Variants in EPS15 observed in about 807,000 individuals in gnomAD.
EPS15 encodes the protein epidermal growth factor receptor substrate 15.
In EPS15, 72 loss-of-function variants were observed where a neutral mutation model predicts 113.8. The observed-to-expected ratio is 0.63, with a 90% CI of 0.52 to 0.77. EPS15 has a LOEUF of 0.77. Among genes scored for constraint, EPS15 ranks in the 30% least tolerant of loss-of-function variants. The pLI, the probability that EPS15 is intolerant of heterozygous loss-of-function variation, is 0.00. For synonymous variants in EPS15, 344 were observed against 363.4 expected, an observed-to-expected ratio of 0.95 and a Z score of 0.61; for missense variants, 1,048 against 1,045.8, an observed-to-expected ratio of 1.00 and a Z score of -0.03.
In EPS15 at chr1:51,415,796, CAAAAAAAAAAAAAAAAAAAAAA is replaced by C. The variant is rs55806131; in HGVS notation, c.1113+5968_1113+5989del. On this transcript the variant is annotated intron_variant, in intron 13 of 24. Transcript: ENST00000371733. The stretch of plus-strand genomic sequence containing the variant: ...GGGCAACAAGAGCAAAACTCCGTCT[CAAAAAAAAAAAAAAAAAAAAAA>C]AAAAAAAAAAAAATTCCAACACTAA... Among the ~76,000 whole-genome samples, 52 of 21,988 alleles carry C rather than the reference CAAAAAAAAAAAAAAAAAAAAAA, an allele frequency of 2.4e-3. 1 individual carries two copies. Among genetic ancestry groups the C allele is most frequent in the African/African-American group, 6.6e-3 (39 of 5,912 alleles). 14.4% of individuals were successfully genotyped at this position (21,988 alleles called of 152,430 possible). A position where few individuals can be genotyped will look rare whatever the true frequency, so the allele number is the denominator to read the frequency against.
intron 8 of EPS15, among the ~76,000 whole-genome samples, chr1:51,449,587 A>T (rs1050687770): frequency 2.0e-5 from 3 of 151,908 alleles, no homozygotes; most frequent in Non-Finnish European, 4.4e-5. Context: ...AGTTAAAAAA[A>T]TTCATTGTTC....
chr1:51,500,261 A>G (rs574345011), intron 1 of EPS15, among the ~76,000 whole-genome samples: 22 of 152,336 alleles, frequency 1.4e-4, no homozygotes, highest in Non-Finnish European at 2.6e-4. Context: ...ACACTGGTAT[A>G]CAAATGTGTT....
intron 1 of EPS15, among the ~76,000 whole-genome samples, chr1:51,507,418 T>A (rs1469078499): frequency 6.6e-6 from 1 of 151,890 alleles, no homozygotes; most frequent in Non-Finnish European, 1.5e-5. Context: ...ATCCCAGCAC[T>A]TTGGGAGGCT....
intron 21 of EPS15, among the ~76,000 whole-genome samples, chr1:51,377,834 G>A (rs369007315): frequency 1.3e-5 from 2 of 151,442 alleles, no homozygotes; most frequent in Admixed American, 6.6e-5. Context: ...CACCAATATC[G>A]AGGCAAGATT....
intron 11 of EPS15, among the ~76,000 whole-genome samples, chr1:51,443,860 T>C (rs75278363): frequency 0.044 from 6,697 of 152,048 alleles, 230 homozygotes; most frequent in Middle Eastern, 0.11. Flanking sequence ...TCTTGCTATG[T>C]TGCCCAGGAA....
At position 51,461,163 on chromosome 1, in the gene EPS15, A is replaced by G. The variant is rs1654410484; in HGVS notation, c.502-13T>C. 2 of 1,563,166 alleles carry G rather than the reference A, an allele frequency of 1.3e-6. No individual in the cohort carries two copies. Among genetic ancestry groups the G allele is most frequent in the African/African-American group, 1.4e-5 (1 of 73,940 alleles). On this transcript the variant is annotated splice_polypyrimidine_tract_variant and intron_variant, in intron 7 of 24. Coordinates refer to ENST00000371733, the MANE Select transcript of EPS15 (RefSeq NM_001981.3). ...TCAACTCCCAAACCTTAAAAAGAGA[A>G]TAATTGAAAAAAGATTAATGTTCTT...
Position 51,471,673 on chromosome 1 carries a change from G to T in EPS15, c.213+17C>A. The T allele has an allele frequency of 6.3e-7, 1 of 1,582,040 alleles. No homozygotes were observed. On this transcript the variant is annotated intron_variant, in intron 4 of 24. Coordinates refer to ENST00000371733, the MANE Select transcript of EPS15 (RefSeq NM_001981.3). ...GAATCACTCAAAAAAAAAATCATAT[G>T]AATATCTGAAACTTACTTGTTTGTT...
intron 13 of EPS15, among the ~76,000 whole-genome samples, chr1:51,419,325 A>G (rs1570262187): frequency 6.6e-6 from 1 of 152,182 alleles, no homozygotes; most frequent in South Asian, 2.1e-4. Flanking sequence ...AAATACAGAC[A>G]GGAAACAAAA....
intron 1 of EPS15, among the ~76,000 whole-genome samples, chr1:51,513,258 G>C (rs1485893897): frequency 1.3e-5 from 2 of 152,128 alleles, no homozygotes; most frequent in East Asian, 3.8e-4. Flanking sequence ...CAGCATAGTT[G>C]TAACAAAAGA....
chr1:51,383,041 G>C (rs544976229), intron 21 of EPS15, among the ~76,000 whole-genome samples: 1 of 152,302 alleles, frequency 6.6e-6, no homozygotes, highest in South Asian at 2.1e-4. Context: ...GTCCAAGTGG[G>C]ATTTATTCCT....
chr1:51,494,134 T>C (rs1025289760), intron 1 of EPS15, among the ~76,000 whole-genome samples: 2 of 152,136 alleles, frequency 1.3e-5, no homozygotes, highest in African/African-American at 4.8e-5. Flanking sequence ...CAAGAACCTC[T>C]CCAAAACACA....
rs974482007 is a variant in EPS15 at position 51,374,531 on chromosome 1, G to A, written c.2120-8502C>T. ...AGGCAGGAGAATCGCTTGAACCTGG[G>A]AGGCGGAGGTTGCAGTGAGCTGAGA... On this transcript the variant is annotated intron_variant, in intron 21 of 24. Transcript: ENST00000371733. 2.0e-5 allele frequency among the ~76,000 whole-genome samples: 3 copies of A among 152,266 alleles called. No homozygotes were observed. The East Asian group carries it at 5.8e-4, about 29-fold the overall frequency.
rs569600081 is a variant in EPS15, at chr1:51,474,162, T to C, written c.76-1214A>G. Among the ~76,000 whole-genome samples the C allele has an allele frequency of 1.6e-4, 25 of 152,380 alleles. 1 individual carries two copies. In the Middle Eastern group the frequency reaches 0.014, roughly 83 times the overall value. ...TAATAATATAAACATTTAGTCTTTG[T>C]CATCTACAGGCAGTTTCTGAGGTAT... On this transcript the variant is annotated intron_variant, in intron 2 of 24. Transcript: ENST00000371733.
chr1:51,364,994 C>G (rs1646476601), intron 22 of EPS15, among the ~76,000 whole-genome samples: 1 of 151,138 alleles, frequency 6.6e-6, no homozygotes, highest in African/African-American at 2.4e-5. Flanking sequence ...CATGCCTGAC[C>G]AATTTTTTGT....
chr1:51,378,856 A>C (rs1314552295), intron 21 of EPS15, among the ~76,000 whole-genome samples: 1 of 152,176 alleles, frequency 6.6e-6, no homozygotes, highest in Non-Finnish European at 1.5e-5. Flanking sequence ...GGGGAAAAAA[A>C]AGAACAATGG....
intron 12 of EPS15, chr1:51,423,746 C>A (rs1407355908): frequency 3.8e-5 from 37 of 984,978 alleles, no homozygotes; most frequent in Middle Eastern, 5.2e-4. Flanking sequence ...CTACAAGAAG[C>A]CAGTGAGCTG....
chr1:51,489,148 A>AAAAC (rs1644181716), intron 1 of EPS15, among the ~76,000 whole-genome samples: 1 of 151,734 alleles, frequency 6.6e-6, no homozygotes, highest in African/African-American at 2.4e-5. Context: ...TGTAAAAAAA[A>AAAAC]AAAACAAAAC....
At chr1:51,358,816 C>G (rs1314008925) in intron 24 of EPS15, among the ~76,000 whole-genome samples, 1 of 150,906 alleles carries the variant, frequency 6.6e-6, no homozygotes, top group African/African-American at 2.4e-5. Flanking sequence ...AAGTGATCCT[C>G]CCACCTCAGC....
chr1:51,386,380 T>C (rs1570156551), intron 21 of EPS15, among the ~76,000 whole-genome samples: 1 of 152,310 alleles, frequency 6.6e-6, no homozygotes, highest in East Asian at 1.9e-4. Context: ...TACTTGTAAA[T>C]GTCAGACAGA....
Sources: gnomAD v4.1 joint callset for allele counts (sites outside exome capture counted in the v4.1 genomes callset) on GRCh38, gnomAD v4.1.1 for gene constraint, MANE v1.5 for transcripts, NCBI Gene and HGNC (gene_info 2026-07-23, HGNC 2026-07-21) for gene names.